Variants in GPC5 observed in about 807,000 individuals in gnomAD.
GPC5 encodes the protein glypican 5, also known as glypican-5.
Under a neutral mutation model 53.9 loss-of-function variants are expected in GPC5, and 47 were observed. The observed-to-expected ratio is 0.87, with a 90% CI of 0.69 to 1.11. The LOEUF is 1.11. Among genes scored for constraint, GPC5 ranks in the 50% most tolerant of loss-of-function variants. The pLI is 0.00. For synonymous variants in GPC5, 286 were observed against 263.3 expected, an observed-to-expected ratio of 1.09 and a Z score of -0.84; for missense variants, 748 against 713.1, an observed-to-expected ratio of 1.05 and a Z score of -0.56.
At chr13:92,520,827 G>C (rs1881013391) in intron 7 of GPC5, among the ~76,000 whole-genome samples, 1 of 152,142 alleles carries the variant, frequency 6.6e-6, no homozygotes, top group South Asian at 2.1e-4. Context: ...ATTAAGAAAA[G>C]AGGAAGTCAA....
intron 5 of GPC5, among the ~76,000 whole-genome samples, chr13:91,894,277 A>G (rs748978360): frequency 6.6e-6 from 1 of 151,854 alleles, no homozygotes; most frequent in Non-Finnish European, 1.5e-5. Flanking sequence ...TTTGTTTTTT[A>G]ATCTTGGCTT....
intron 7 of GPC5, among the ~76,000 whole-genome samples, chr13:92,214,279 G>A (rs938326145): frequency 1.3e-5 from 2 of 152,118 alleles, no homozygotes; most frequent in Admixed American, 6.6e-5. Context: ...TCTTACAAAT[G>A]ACTTTAAAGT....
chr13:92,407,759 A>G (rs1314996342), intron 7 of GPC5, among the ~76,000 whole-genome samples: 7 of 152,158 alleles, frequency 4.6e-5, no homozygotes, highest in Non-Finnish European at 7.4e-5. Context: ...TCTAATATAA[A>G]ATATTAAGAC....
intron 2 of GPC5, among the ~76,000 whole-genome samples, chr13:91,555,077 G>A (rs1436123456): frequency 2.0e-5 from 3 of 151,876 alleles, no homozygotes; most frequent in African/African-American, 7.3e-5. Flanking sequence ...TTAATTTTGA[G>A]ATAATTATAG....
chr13:92,320,533 T>C (rs931326470), intron 7 of GPC5, among the ~76,000 whole-genome samples: 3 of 152,210 alleles, frequency 2.0e-5, no homozygotes, highest in African/African-American at 7.2e-5. Flanking sequence ...CATATAAATA[T>C]AGTCATTCCT....
At chr13:91,617,080 T>G (rs1372856933) in intron 2 of GPC5, among the ~76,000 whole-genome samples, 1 of 152,184 alleles carries the variant, frequency 6.6e-6, no homozygotes, top group Non-Finnish European at 1.5e-5. Flanking sequence ...TATTGGCTGG[T>G]TATTGATTTG....
chr13:92,377,345 C>A (rs1415916166), intron 7 of GPC5, among the ~76,000 whole-genome samples: 4 of 152,120 alleles, frequency 2.6e-5, no homozygotes, highest in Non-Finnish European at 5.9e-5. Context: ...CTAAGGATTG[C>A]TAAGGATTGT....
intron 7 of GPC5, among the ~76,000 whole-genome samples, chr13:92,491,545 C>T (rs1451754815): frequency 6.6e-6 from 1 of 152,078 alleles, no homozygotes; most frequent in African/African-American, 2.4e-5. Context: ...ACGTTCTTCA[C>T]ATTCATTTGG....
chr13:92,425,809 T>C (rs1330155566), intron 7 of GPC5, among the ~76,000 whole-genome samples: 1 of 152,128 alleles, frequency 6.6e-6, no homozygotes, highest in Non-Finnish European at 1.5e-5. Flanking sequence ...TATATGTATA[T>C]ATTTTAGCTA....
intron 7 of GPC5, among the ~76,000 whole-genome samples, chr13:92,619,425 A>T (rs1048061562): frequency 9.9e-5 from 15 of 151,984 alleles, no homozygotes; most frequent in African/African-American, 3.6e-4. Context: ...GTAACTCGCC[A>T]ATTATTCTTA....
rs192097472 is a variant in GPC5, at chr13:91,721,460, G to A, written c.1021-7072G>A. Among the ~76,000 whole-genome samples, 11 of 152,210 alleles carry A rather than the reference G, an allele frequency of 7.2e-5. No homozygotes were observed. In the East Asian group the frequency reaches 2.1e-3, roughly 29 times the overall value. On this transcript the variant is annotated intron_variant, in intron 3 of 7. Transcript: ENST00000377067. ...TCTTGTCCATTTTCTTATGCCCTGT[G>A]CATACATCTCTCCAAATGACAGCCA...
chr13:91,557,653 T>C (rs2031032617), intron 2 of GPC5, among the ~76,000 whole-genome samples: 1 of 152,158 alleles, frequency 6.6e-6, no homozygotes, highest in Non-Finnish European at 1.5e-5. Flanking sequence ...CACTATTCAT[T>C]CCCAGTATGT....
At chr13:91,586,229 T>G (rs2032561556) in intron 2 of GPC5, among the ~76,000 whole-genome samples, 1 of 150,974 alleles carries the variant, frequency 6.6e-6, no homozygotes, top group South Asian at 2.1e-4. Context: ...GTTCTTAAGC[T>G]TCAAGTTTCC....
chr13:92,061,759 C>T (rs2041125936), intron 6 of GPC5, among the ~76,000 whole-genome samples: 2 of 151,912 alleles, frequency 1.3e-5, no homozygotes, highest in South Asian at 4.1e-4. Context: ...CCTGAAGTTT[C>T]ATTTTTCTAT....
At chr13:92,308,268 A>G (rs1403329645) in intron 7 of GPC5, among the ~76,000 whole-genome samples, 1 of 152,202 alleles carries the variant, frequency 6.6e-6, no homozygotes, top group African/African-American at 2.4e-5. Flanking sequence ...AAATTAATTT[A>G]GGGAATGTGC....
At chr13:91,594,270 GA>G (rs1056788435) in intron 2 of GPC5, among the ~76,000 whole-genome samples, 1 of 152,182 alleles carries the variant, frequency 6.6e-6, no homozygotes, top group Non-Finnish European at 1.5e-5. Flanking sequence ...AGTGTGTGGT[GA>G]AAAAAGAGGC....
chr13:91,492,212 T>C (rs1883977884), intron 2 of GPC5, among the ~76,000 whole-genome samples: 1 of 152,210 alleles, frequency 6.6e-6, no homozygotes, highest in South Asian at 2.1e-4. Flanking sequence ...TCATAATTTT[T>C]AGTGACTTAA....
intron 6 of GPC5, among the ~76,000 whole-genome samples, chr13:92,047,585 G>A (rs372041171): frequency 1.2e-4 from 18 of 151,476 alleles, no homozygotes; most frequent in African/African-American, 3.9e-4. Context: ...AATGAAGGGC[G>A]TGTATTGCAT....
At chr13:92,337,637 C>A (rs780290711) in intron 7 of GPC5, among the ~76,000 whole-genome samples, 1 of 152,034 alleles carries the variant, frequency 6.6e-6, no homozygotes, top group African/African-American at 2.4e-5. Flanking sequence ...GAATACAGAG[C>A]CTAGAAATTG....
Sources: allele counts gnomAD v4.1 joint callset (sites outside exome capture counted in the v4.1 genomes callset), GRCh38; gene constraint gnomAD v4.1.1; transcripts MANE v1.5; gene names NCBI Gene and HGNC (gene_info 2026-07-23, HGNC 2026-07-21).